The following KLF8 variants were observed in gnomAD, a reference collection of about 807,000 sequenced individuals.
KLF8 encodes the protein Krueppel-like factor 8.
Under a neutral mutation model 18.2 loss-of-function variants are expected in KLF8, and 10 were observed. The observed-to-expected ratio is 0.55, with a 90% CI of 0.34 to 0.93. The LOEUF (loss-of-function observed/expected upper bound fraction) is 0.93, where lower values mean the gene tolerates loss of function less well. Among genes scored for constraint, KLF8 ranks in the 40% least tolerant of loss-of-function variants. The pLI is 0.02. For synonymous variants in KLF8, 109 were observed against 97.3 expected, an observed-to-expected ratio of 1.12 and a Z score of -0.71; for missense variants, 264 against 277.9, an observed-to-expected ratio of 0.95 and a Z score of 0.36.
chrX:56,140,797 T>TAAAAA, the KLF8 span, among the ~76,000 whole-genome samples: 109 of 43,767 alleles, frequency 2.5e-3, no homozygotes, highest in Middle Eastern at 0.015. Context: ...GCCCCTCCAG[T>TAAAAA]AAAAAAAAAA....
At chrX:56,086,694 G>A in the KLF8 span, among the ~76,000 whole-genome samples, 12 of 110,750 alleles carry the variant, frequency 1.1e-4, no homozygotes, top group African/African-American at 3.6e-4. Flanking sequence ...ATGGTTAGTA[G>A]AAGTAGTAGT....
chrX:56,160,158 T>C, the KLF8 span, among the ~76,000 whole-genome samples: 1 of 112,185 alleles, frequency 8.9e-6, no homozygotes, highest in Non-Finnish European at 1.9e-5. Flanking sequence ...CCTGTAGTCA[T>C]TCAGGAGCAG....
the KLF8 span, among the ~76,000 whole-genome samples, chrX:56,156,843 T>C: frequency 9.4e-6 from 1 of 106,549 alleles, no homozygotes; most frequent in African/African-American, 3.4e-5. Context: ...TGTGATAGTT[T>C]GCTGAGAATG....
At chrX:56,169,752 G>A in the KLF8 span, among the ~76,000 whole-genome samples, 5 of 111,986 alleles carry the variant, frequency 4.5e-5, no homozygotes, top group Admixed American at 2.8e-4. Flanking sequence ...CCCACCAGGG[G>A]CCTAGGGGAA....
the KLF8 span, among the ~76,000 whole-genome samples, chrX:56,094,910 C>G: frequency 9.0e-6 from 1 of 111,361 alleles, no homozygotes; most frequent in African/African-American, 3.2e-5. Flanking sequence ...GAACCAATGT[C>G]ATTAAAATGA....
the KLF8 span, among the ~76,000 whole-genome samples, chrX:56,222,682 G>T: frequency 1.8e-5 from 2 of 112,949 alleles, no homozygotes; most frequent in South Asian, 3.6e-4. Context: ...GGCTTGGGCC[G>T]CGCAGGAGCC....
At chrX:56,060,466 C>A in the KLF8 span, among the ~76,000 whole-genome samples, 1 of 111,940 alleles carries the variant, frequency 8.9e-6, no homozygotes, top group Non-Finnish European at 1.9e-5. Context: ...TCCATTGATT[C>A]TGTTTATGTG....
intron 1 of KLF8, among the ~76,000 whole-genome samples, chrX:56,245,078 A>G (rs1273682950): frequency 8.9e-6 from 1 of 112,362 alleles, no homozygotes; most frequent in East Asian, 2.8e-4. Flanking sequence ...TATGTGTGAA[A>G]TGGAAATTAT....
At chrX:56,050,247 T>A in the KLF8 span, among the ~76,000 whole-genome samples, 1 of 111,645 alleles carries the variant, frequency 9.0e-6, no homozygotes, top group Non-Finnish European at 1.9e-5. Context: ...TTTTTAAGGG[T>A]TTTTTGTGTC....
intron 3 of KLF8, chrX:56,267,498 G>A (rs1437676120): frequency 1.8e-5 from 2 of 110,576 alleles, no homozygotes; most frequent in African/African-American, 6.6e-5. Context: ...CTCCTCCTGG[G>A]TCCCTCCCAC....
the KLF8 span, among the ~76,000 whole-genome samples, chrX:56,066,446 A>C: frequency 1.8e-5 from 2 of 112,120 alleles, no homozygotes; most frequent in East Asian, 5.6e-4. Flanking sequence ...AGGTTGGTGC[A>C]GCAGTAGTTT....
chrX:56,072,271 C>A, the KLF8 span, among the ~76,000 whole-genome samples: 1 of 111,687 alleles, frequency 9.0e-6, no homozygotes, highest in Non-Finnish European at 1.9e-5. Context: ...TAATCAAGAA[C>A]TTTTGATTAA....
At chrX:56,171,164 G>C in the KLF8 span, among the ~76,000 whole-genome samples, 1 of 111,603 alleles carries the variant, frequency 9.0e-6, no homozygotes, top group Non-Finnish European at 1.9e-5. Context: ...TATATCTTTA[G>C]TAGAAAGACT....
the KLF8 span, among the ~76,000 whole-genome samples, chrX:56,008,094 A>T: frequency 1.8e-5 from 2 of 108,822 alleles, no homozygotes; most frequent in Non-Finnish European, 3.8e-5. Context: ...TTATGCAAAT[A>T]ACTGGAATTT....
At chrX:56,189,201 G>A in the KLF8 span, among the ~76,000 whole-genome samples, 1 of 111,699 alleles carries the variant, frequency 9.0e-6, no homozygotes, top group Non-Finnish European at 1.9e-5. Flanking sequence ...CCATCAAAAA[G>A]TGGACGAAGG....
intron 2 of KLF8, among the ~76,000 whole-genome samples, chrX:56,254,728 C>T (rs1344401469): frequency 9.0e-6 from 1 of 111,293 alleles, no homozygotes; most frequent in African/African-American, 3.3e-5. Context: ...AAAGCTATGC[C>T]ATCAAGCTGT....
intron 2 of KLF8, among the ~76,000 whole-genome samples, chrX:56,264,485 G>T (rs2066937872): frequency 9.2e-6 from 1 of 108,775 alleles, no homozygotes; most frequent in Non-Finnish European, 1.9e-5. Flanking sequence ...TGATCATTTA[G>T]ATCATTTATT....
intron 2 of KLF8, 97 bp from the exon 3 acceptor site, chrX:56,265,082 AT>A: frequency 9.9e-7 from 1 of 1,005,442 alleles, no homozygotes; most frequent in Non-Finnish European, 1.3e-6. Flanking sequence ...TATTCCTTCC[AT>A]GTGAAATGAA....
chrX:56,006,530 G>T, the KLF8 span, among the ~76,000 whole-genome samples: 1 of 112,179 alleles, frequency 8.9e-6, no homozygotes, highest in Admixed American at 9.4e-5. Flanking sequence ...GCTGCATCTA[G>T]TCTCCTATCT....
Sources: gnomAD v4.1 joint callset for allele counts (sites outside exome capture counted in the v4.1 genomes callset) on GRCh38, gnomAD v4.1.1 for gene constraint, MANE v1.5 for transcripts, NCBI Gene and HGNC (gene_info 2026-07-23, HGNC 2026-07-21) for gene names.